Variants in CES5A observed in about 807,000 individuals in gnomAD.
CES5A encodes the protein carboxylesterase 5.
In CES5A, 67 loss-of-function variants were observed where a neutral mutation model predicts 62.9. The ratio of observed to expected loss-of-function variants is 1.07; its 90% confidence interval spans 0.88 to 1.31. The LOEUF (loss-of-function observed/expected upper bound fraction) is 1.31. Ranked by LOEUF, CES5A falls within the 50% of genes most tolerant of loss-of-function variation. CES5A has a pLI of 0.00. For missense variants in CES5A, 748 were observed against 708.5 expected (o/e 1.06, Z -0.63); for synonymous variants, 296 against 280.8 (o/e 1.05, Z -0.54).
At chr16:55,936,699 T>A (rs2034379428) in intron 2 of CES5A, among the ~76,000 whole-genome samples, 1 of 152,218 alleles carries the variant, frequency 6.6e-6, no homozygotes, top group African/African-American at 2.4e-5. Flanking sequence ...AGAGTAGACA[T>A]TAGGCTGCTA....
rs1342413948 is a variant in CES5A, at chr16:55,866,079, T to G, written c.589A>C (p.Lys197Gln). 1.9e-6 allele frequency: 3 copies of G among 1,613,836 alleles called. No homozygotes were observed. In the African/African-American group the frequency reaches 4.0e-5, roughly 22 times the overall value. Residue 197 changes from lysine (K) to glutamine (Q), a missense_variant, in exon 5 of 13, where the codon AAG becomes CAG. Transcript: ENST00000290567. ...DQHAPGNWAF[K>Q]DQVAALSWVQ... ...CAGGACAGAGCAGCCACCTGGTCCT[T>G]GAAGGCCCAGTTCCCCGGAGCATGC...
intron 1 of CES5A, among the ~76,000 whole-genome samples, chr16:55,913,545 T>C (rs1226505992): frequency 6.6e-6 from 1 of 152,204 alleles, no homozygotes; most frequent in Non-Finnish European, 1.5e-5. Context: ...ATCTATTTTG[T>C]TTCAGAGTCA....
intron 6 of CES5A, among the ~76,000 whole-genome samples, chr16:55,862,633 T>C (rs2033376187): frequency 6.6e-6 from 1 of 152,252 alleles, no homozygotes; most frequent in African/African-American, 2.4e-5. Context: ...ATGTTTCTGC[T>C]CTTGGTATAT....
intron 1 of CES5A, among the ~76,000 whole-genome samples, chr16:55,896,395 T>G (rs1415487614): frequency 6.6e-6 from 1 of 152,192 alleles, no homozygotes; most frequent in Non-Finnish European, 1.5e-5. Flanking sequence ...CACCATGTCT[T>G]CTCTTTGTAC....
At chr16:55,869,586 A>G (rs751953582) in intron 4 of CES5A, 25 bp downstream of exon 4, 1 of 1,611,366 alleles carries the variant, frequency 6.2e-7, no homozygotes, top group Non-Finnish European at 8.5e-7. Context: ...GGGATCTGGG[A>G]TGTCCATCAT....
chr16:55,882,031 T>A (rs1446718071), intron 1 of CES5A, among the ~76,000 whole-genome samples: 1 of 152,164 alleles, frequency 6.6e-6, no homozygotes, highest in African/African-American at 2.4e-5. Flanking sequence ...GAATGTTGTT[T>A]AACTTGTAAA....
At chr16:55,940,034 A>G (rs2034430089) in intron 2 of CES5A, among the ~76,000 whole-genome samples, 1 of 152,082 alleles carries the variant, frequency 6.6e-6, no homozygotes, top group Non-Finnish European at 1.5e-5. Context: ...TGCTTAGATG[A>G]AAATTTATAG....
At chr16:55,942,761 T>C (rs1228216322) in intron 2 of CES5A, among the ~76,000 whole-genome samples, 1 of 152,208 alleles carries the variant, frequency 6.6e-6, no homozygotes, top group Non-Finnish European at 1.5e-5. Context: ...TATCCAAAAT[T>C]GGAAATAACT....
At position 55,854,527 on chromosome 16, in the gene CES5A, G is replaced by GTTTCTTTTTTT. The variant is rs1567324393; in HGVS notation, c.1126-1510_1126-1500dup. Among the ~76,000 whole-genome samples the GTTTCTTTTTTT allele has an allele frequency of 1.7e-4, 20 of 116,694 alleles. No individual in the cohort carries two copies. The East Asian group carries it at 2.0e-3, about 12-fold the overall frequency. 76.6% of individuals were successfully genotyped at this position (116,694 alleles called of 152,430 possible). ...GGCCTGAGGGATATCTGCCTGTAGT[G>GTTTCTTTTTTT]TTTCTTTTTTTTTTTTCTTTTTTTT... On this transcript the variant is annotated intron_variant, in intron 9 of 12. Coordinates refer to ENST00000290567, the MANE Select transcript of CES5A (RefSeq NM_001143685.2).
chr16:55,856,516 G>T, intron 8 of CES5A, 71 bp from the exon 9 acceptor site: 1 of 1,455,352 alleles, frequency 6.9e-7, no homozygotes, highest in Non-Finnish European at 9.6e-7. Flanking sequence ...CCAAGGGCCT[G>T]GGCAGCTGAC....
chr16:55,908,126 T>A (rs923088100), intron 1 of CES5A, among the ~76,000 whole-genome samples: 2 of 152,158 alleles, frequency 1.3e-5, no homozygotes, highest in African/African-American at 4.8e-5. Flanking sequence ...TGATTCTTTA[T>A]CAATTTGCTC....
upstream of CES5A, among the ~76,000 whole-genome samples, chr16:55,877,901 G>A (rs2033715221): frequency 6.6e-6 from 1 of 152,220 alleles, no homozygotes; most frequent in Non-Finnish European, 1.5e-5. Context: ...AATTCGGGGA[G>A]GAGGGAGTAG....
intron 5 of CES5A, 30 bp downstream of exon 5, chr16:55,865,933 T>C (rs2033447689): frequency 6.2e-7 from 1 of 1,613,776 alleles, no homozygotes; most frequent in Non-Finnish European, 8.5e-7. Flanking sequence ...GGCACTGAGA[T>C]TCATTCAAAC....
At chr16:55,892,514 G>C (rs1443741502) in intron 1 of CES5A, among the ~76,000 whole-genome samples, 1 of 151,988 alleles carries the variant, frequency 6.6e-6, no homozygotes, top group Non-Finnish European at 1.5e-5. Context: ...GGTATGCAAG[G>C]TTTGTTTAAT....
intron 1 of CES5A, chr16:55,955,755 A>C (rs1390492493): frequency 1.4e-6 from 2 of 1,431,338 alleles, no homozygotes; most frequent in Non-Finnish European, 1.9e-6. Flanking sequence ...TGGGTGGGTA[A>C]ATTTGCATCT....
rs118124698 is a variant in CES5A, at chr16:55,866,363, G to A, written c.552-247C>T. On this transcript the variant is annotated intron_variant, in intron 4 of 12. Transcript: ENST00000290567. ...TTCAATATTGTAGCTGCAATTTCAA[G>A]TATTCACAGGTTCCTCAGAATCCAT... Among the ~76,000 whole-genome samples the A allele has an allele frequency of 3.0e-3, 463 of 152,234 alleles. 2 individuals carry two copies. Among genetic ancestry groups the A allele is most frequent in the Middle Eastern group, 0.02 (6 of 294 alleles).
At chr16:55,874,803 C>T (rs1357029658) in intron 1 of CES5A, among the ~76,000 whole-genome samples, 2 of 152,164 alleles carry the variant, frequency 1.3e-5, no homozygotes, top group African/African-American at 2.4e-5. Flanking sequence ...AGCACTGTTT[C>T]TAATGTCATT....
intron 1 of CES5A, among the ~76,000 whole-genome samples, chr16:55,954,410 C>T (rs1277124765): frequency 2.0e-5 from 3 of 152,192 alleles, no homozygotes; most frequent in Admixed American, 1.3e-4. Flanking sequence ...TTCTCATAGT[C>T]GGTCCTGACC....
intron 4 of CES5A, among the ~76,000 whole-genome samples, chr16:55,866,387 A>G (rs1482265091): frequency 6.6e-6 from 1 of 152,204 alleles, no homozygotes; most frequent in Non-Finnish European, 1.5e-5. Flanking sequence ...CTCAGAATCC[A>G]TGAATCCCAA....
Sources: allele counts gnomAD v4.1 joint callset (sites outside exome capture counted in the v4.1 genomes callset), GRCh38; gene constraint gnomAD v4.1.1; transcripts MANE v1.5; gene names NCBI Gene and HGNC (gene_info 2026-07-23, HGNC 2026-07-21).